Variants in AATK observed in about 807,000 individuals in gnomAD.
AATK encodes serine/threonine-protein kinase LMTK1.
AATK carries 91 observed loss-of-function variants against 114.3 expected under a neutral mutation model. The ratio of observed to expected loss-of-function variants is 0.80; its 90% CI spans 0.67 to 0.95. The LOEUF (loss-of-function observed/expected upper bound fraction) is 0.95, where lower values mean the gene tolerates loss of function less well. Ranked by LOEUF, AATK falls within the 40% of genes least tolerant of loss-of-function variation. AATK has a pLI of 0.00. For missense variants in AATK, 2,176 were observed against 1,965.2 expected (o/e 1.11, Z -2.03); for synonymous variants, 1,075 against 916.5 (o/e 1.17, Z -3.12).
intron 1 of AATK, among the ~76,000 whole-genome samples, chr17:81,161,085 G>A (rs900714272): frequency 3.3e-5 from 5 of 152,190 alleles, no homozygotes; most frequent in African/African-American, 1.2e-4. Context: ...GGCTCCTGAT[G>A]TCTCGAGGCA....
intron 1 of AATK, among the ~76,000 whole-genome samples, chr17:81,146,821 G>A (rs1222353122): frequency 6.6e-6 from 1 of 151,630 alleles, no homozygotes; most frequent in Non-Finnish European, 1.5e-5. Context: ...TTTCCAGACA[G>A]CGGGAGTTTG....
At chr17:81,159,548 G>A (rs781252667) in intron 1 of AATK, among the ~76,000 whole-genome samples, 3 of 152,142 alleles carry the variant, frequency 2.0e-5, no homozygotes, top group Non-Finnish European at 4.4e-5. Context: ...GCCTCACAGC[G>A]GAGCCCAAAC....
At chr17:81,157,289 C>G (rs984679321) in intron 1 of AATK, among the ~76,000 whole-genome samples, 4 of 152,200 alleles carry the variant, frequency 2.6e-5, no homozygotes, top group African/African-American at 9.6e-5. Context: ...TCCACGGGCC[C>G]GGGCCGGGTC....
intron 6 of AATK, among the ~76,000 whole-genome samples, chr17:81,127,136 G>C (rs539434850): frequency 5.2e-5 from 7 of 134,572 alleles, no homozygotes; most frequent in African/African-American, 1.9e-4. Flanking sequence ...GGGAGGGGGG[G>C]ACAGGTCCCC....
At chr17:81,154,468 C>G (rs558696101) in intron 1 of AATK, among the ~76,000 whole-genome samples, 1 of 148,930 alleles carries the variant, frequency 6.7e-6, no homozygotes, top group East Asian at 2.0e-4. Context: ...TTACAGGCGC[C>G]CACCACCATG....
chr17:81,156,264 C>T (rs779619809), intron 1 of AATK, among the ~76,000 whole-genome samples: 1 of 151,574 alleles, frequency 6.6e-6, no homozygotes. Context: ...TACCATGTTA[C>T]AATGTATGTT....
intron 1 of AATK, among the ~76,000 whole-genome samples, chr17:81,155,101 C>T (rs1031226332): frequency 2.0e-5 from 3 of 152,336 alleles, no homozygotes; most frequent in East Asian, 3.9e-4. Context: ...TGCATCACCA[C>T]GGCGCTGCGC....
chr17:81,151,458 A>T (rs2061298033), intron 1 of AATK, among the ~76,000 whole-genome samples: 1 of 152,054 alleles, frequency 6.6e-6, no homozygotes, highest in Non-Finnish European at 1.5e-5. Flanking sequence ...TGTGGCTCAG[A>T]CGCATCCGAG....
chr17:81,134,271 T>C (rs2060978382), intron 2 of AATK, 97 bp downstream of exon 2: 1 of 1,509,696 alleles, frequency 6.6e-7, no homozygotes, highest in Middle Eastern at 1.7e-4. Context: ...GCAGCCACCT[T>C]GATGGCCCCA....
rs761315846 is a variant in AATK at position 81,122,136 on chromosome 17, C to G, written c.1800G>C (p.Ala600=). 1 of 1,531,410 alleles carries G rather than the reference C, an allele frequency of 6.5e-7. No individual in the cohort carries two copies. The highest frequency in any genetic ancestry group is 8.8e-7 in the Non-Finnish European group (1 of 1,140,802). The allele number at this position is 1,531,410 out of a possible 1,614,324, so 94.9% of individuals were successfully genotyped here. A position where few individuals can be genotyped will look rare whatever the true frequency, so the allele number is the denominator to read the frequency against. The change falls in exon 11 of 14, where the codon GCG becomes GCC. Residue 600 remains alanine (A), a synonymous_variant. Transcript: ENST00000326724. ...AGCGTGAGGGGCAGAGCGGGTCCCG[C>G]GCCAAGCTTCTGCGAGGGTAGTGGT... ...RGDHYPRRSL[A]RDPLCPSRSP... is the part of the protein sequence containing the mutation.
chr17:81,139,114 C>T (rs1325782983), intron 1 of AATK, among the ~76,000 whole-genome samples: 1 of 152,222 alleles, frequency 6.6e-6, no homozygotes, highest in African/African-American at 2.4e-5. Flanking sequence ...TGGCTCAGTC[C>T]CCACTACTGG....
intron 1 of AATK, among the ~76,000 whole-genome samples, chr17:81,153,748 A>G (rs1012110809): frequency 5.9e-5 from 9 of 152,184 alleles, no homozygotes; most frequent in African/African-American, 2.2e-4. Context: ...ATCTAATAGG[A>G]ATGCTCATGC....
chr17:81,120,118 G>T (rs762797385), intron 11 of AATK, 35 bp from the exon 12 acceptor site: 17 of 1,470,294 alleles, frequency 1.2e-5, no homozygotes, highest in Non-Finnish European at 1.4e-5. Context: ...TAGCTCGGCC[G>T]CCAGGAGCCG....
chr17:81,138,518 CCACA>C (rs777083485), intron 1 of AATK, among the ~76,000 whole-genome samples: 3 of 146,358 alleles, frequency 2.0e-5, no homozygotes, highest in Admixed American at 1.4e-4. Flanking sequence ...CACAATGCAC[CCACA>C]CACGTGCACA....
chr17:81,135,008 G>C (rs2060988734), intron 1 of AATK, among the ~76,000 whole-genome samples: 2 of 152,190 alleles, frequency 1.3e-5, no homozygotes, highest in South Asian at 4.1e-4. Context: ...CACTGTCCCT[G>C]AGAAGGTGGT....
At chr17:81,138,643 CCA>C (rs1192502344) in intron 1 of AATK, among the ~76,000 whole-genome samples, 5 of 98,994 alleles carry the variant, frequency 5.1e-5, no homozygotes, top group Non-Finnish European at 9.3e-5. Flanking sequence ...ATCCACACAT[CCA>C]CACATACCCA....
chr17:81,126,902 C>T lies in AATK; in HGVS notation c.622-342G>A. 9.0e-7 allele frequency: 1 copy of T among 1,108,798 alleles called. No individual in the cohort carries two copies. Among genetic ancestry groups the T allele is most frequent in the Non-Finnish European group, 1.1e-6 (1 of 895,410 alleles). 68.7% of individuals were successfully genotyped at this position (1,108,798 alleles called of 1,614,324 possible). On this transcript the variant is annotated intron_variant, in intron 6 of 13. Coordinates refer to ENST00000326724, the MANE Select transcript of AATK (RefSeq NM_001080395.3). This position sits in a 1 kb window ranked among gnomAD's most constrained non-coding sequence, Gnocchi z 5.1. ...GTGGTCGAGGGTTGGCCGGCAGCCC[C>T]TGACCTGCCGAAAGCCCAGCCCCGG...
chr17:81,122,382 C>A lies in AATK; in HGVS notation c.1554G>T (p.Val518=), dbSNP rs1353222844. 6.7e-7 allele frequency: 1 copy of A among 1,489,652 alleles called. No homozygotes were observed. The allele number at this position is 1,489,652 out of a possible 1,614,324, so 92.3% of individuals were successfully genotyped here. The change falls in exon 11 of 14, where the codon GTG becomes GTT. Residue 518 remains valine, a synonymous_variant. Transcript: ENST00000326724. ...PDGAPPGVVP[V]LSAHSPSLGS... ...CCAGCGACGGGCTGTGCGCGCTGAG[C>A]ACCGGAACCACGCCCGGGGGCGCGC...
chr17:81,118,360 C>T lies in AATK; in HGVS notation c.*42G>A, dbSNP rs767277950. The T allele has an allele frequency of 6.3e-7, 1 of 1,575,668 alleles. No homozygotes were observed. The highest frequency in any genetic ancestry group is 2.4e-5 in the East Asian group (1 of 42,382). On this transcript the variant is annotated 3_prime_UTR_variant, in exon 14 of 14. Transcript: ENST00000326724. Reference sequence around the variant, plus strand: ...CATCCTCGCTGCTGCCTGGCAGGGGCTCCGGTGACGCCAGCCTTGAGGGGC... The same window carrying T: ...CATCCTCGCTGCTGCCTGGCAGGGGTTCCGGTGACGCCAGCCTTGAGGGGC...
Sources: allele counts gnomAD v4.1 joint callset (sites outside exome capture counted in the v4.1 genomes callset), GRCh38; gene constraint gnomAD v4.1.1; non-coding constraint Gnocchi (gnomAD v3.1); transcripts MANE v1.5; gene names NCBI Gene and HGNC (gene_info 2026-07-23, HGNC 2026-07-21).